Variants in DNAAF9 observed in about 807,000 individuals in gnomAD.
DNAAF9 encodes shulin.
In DNAAF9, 90 loss-of-function variants were observed where a neutral mutation model predicts 167.0. That is an observed-to-expected ratio of 0.54 (90% confidence interval 0.45 to 0.64). The LOEUF is 0.64. Ranked by LOEUF, DNAAF9 falls within the 30% of genes least tolerant of loss-of-function variation. DNAAF9 has a pLI of 0.00. For missense variants in DNAAF9, 1,315 were observed against 1,442.2 expected, an observed-to-expected ratio of 0.91 and a Z score of 1.43; for synonymous variants, 491 against 508.8, an observed-to-expected ratio of 0.96 and a Z score of 0.47.
At chr20:3,279,742 G>A (rs1012043094) in intron 28 of DNAAF9, among the ~76,000 whole-genome samples, 1 of 152,154 alleles carries the variant, frequency 6.6e-6, no homozygotes, top group Non-Finnish European at 1.5e-5. Context: ...GGTTTAGGAC[G>A]GCTAAACACA....
At chr20:3,383,512 T>C (rs6037584) in intron 1 of DNAAF9, among the ~76,000 whole-genome samples, 113,022 of 151,740 alleles carry the variant, frequency 0.74, 42,279 homozygotes, top group African/African-American at 0.82. Flanking sequence ...AGGTGATCCG[T>C]CCGCCTCATG....
At chr20:3,371,976 A>G (rs1197485507) in intron 6 of DNAAF9, among the ~76,000 whole-genome samples, 1 of 152,168 alleles carries the variant, frequency 6.6e-6, no homozygotes, top group Non-Finnish European at 1.5e-5. Flanking sequence ...AATTATCTAT[A>G]TCGATGACTC....
intron 20 of DNAAF9, among the ~76,000 whole-genome samples, chr20:3,308,497 C>T (rs1218208735): frequency 6.6e-6 from 1 of 151,482 alleles, no homozygotes; most frequent in Non-Finnish European, 1.5e-5. Flanking sequence ...CATGCGCCAC[C>T]ACGGTCCAGC....
chr20:3,365,983 A>T (rs1311541447), intron 6 of DNAAF9, among the ~76,000 whole-genome samples: 3 of 152,178 alleles, frequency 2.0e-5, no homozygotes, highest in Admixed American at 6.5e-5. Context: ...TATTTCTACC[A>T]AATCTGCAGT....
intron 7 of DNAAF9, among the ~76,000 whole-genome samples, chr20:3,349,333 G>T (rs1300294622): frequency 6.6e-6 from 1 of 152,092 alleles, no homozygotes; most frequent in African/African-American, 2.4e-5. Flanking sequence ...AGTGAACTGG[G>T]ATTGTGCTGC....
intron 25 of DNAAF9, among the ~76,000 whole-genome samples, chr20:3,293,149 C>T (rs1166879351): frequency 6.6e-5 from 10 of 150,676 alleles, no homozygotes; most frequent in Non-Finnish European, 1.5e-4. Flanking sequence ...AAAAATTAGC[C>T]GGGCGTGGGG....
At chr20:3,262,337 G>A (rs377397696) in intron 31 of DNAAF9, among the ~76,000 whole-genome samples, 2 of 148,588 alleles carry the variant, frequency 1.3e-5, no homozygotes, top group African/African-American at 5.0e-5. Flanking sequence ...TGCAAGCTTC[G>A]CCTCCCGGGT....
At chr20:3,260,208 G>A (rs1208039165) in intron 31 of DNAAF9, among the ~76,000 whole-genome samples, 180 bp from the exon 32 acceptor site, 3 of 151,654 alleles carry the variant, frequency 2.0e-5, no homozygotes, top group Non-Finnish European at 4.4e-5. Context: ...GCGCGGTGGC[G>A]GGCGCCTGTA....
At chr20:3,316,376 C>T (rs1212651196) in intron 18 of DNAAF9, among the ~76,000 whole-genome samples, 1 of 152,164 alleles carries the variant, frequency 6.6e-6, no homozygotes, top group Non-Finnish European at 1.5e-5. Context: ...AAGCAAGTCA[C>T]GGGATCCACT....
chr20:3,256,176 G>T lies in DNAAF9; in HGVS notation c.3091C>A (p.Leu1031Met). Residue 1031 changes from leucine (L) to methionine (M), a missense_variant, in exon 34 of 37, where the codon CTG becomes ATG. Physicochemically the swap from Leu to Met is conservative, Grantham distance 15. Around this residue, in one of 2 missense-constraint regions of DNAAF9, gnomAD observed 334 missense variants for 429.7 expected, o/e 0.78. Coordinates refer to ENST00000252032, the MANE Select transcript of DNAAF9 (RefSeq NM_001009984.3). ...GGCATGATGCTCAAGGAGTTGGCCA[G>T]TGTGTTGTAGCAGACCTCCATGGTC... Reference protein sequence around the residue: ...ERTMEVCYNTLANSLSIMPVL... With the variant: ...ERTMEVCYNTMANSLSIMPVL... 1 of 1,614,178 alleles carries T rather than the reference G, an allele frequency of 6.2e-7. No individual in the cohort carries two copies. Among genetic ancestry groups the T allele is most frequent in the East Asian group, 2.2e-5 (1 of 44,882 alleles).
At chr20:3,279,925 C>T (rs1029752699) in intron 28 of DNAAF9, among the ~76,000 whole-genome samples, 1 of 152,150 alleles carries the variant, frequency 6.6e-6, no homozygotes, top group African/African-American at 2.4e-5. Context: ...TAATGATGTT[C>T]GCAACACTGG....
In DNAAF9 at chr20:3,333,618, T is replaced by C. The variant is rs566755166; in HGVS notation, c.982-1257A>G. ...TGAAAACTCATGGAGGTATTTCTAATTGCTGGTTGATACATATTTCCTCAA... is the reference window on the plus strand; with the variant it reads ...TGAAAACTCATGGAGGTATTTCTAACTGCTGGTTGATACATATTTCCTCAA... On this transcript the variant is annotated intron_variant, in intron 10 of 36. Coordinates refer to ENST00000252032, the MANE Select transcript of DNAAF9 (RefSeq NM_001009984.3). Among the ~76,000 whole-genome samples, 10 of 152,346 alleles carry C rather than the reference T, an allele frequency of 6.6e-5. No individual in the cohort carries two copies. In the South Asian group the frequency reaches 2.1e-3, roughly 32 times the overall value.
intron 14 of DNAAF9, among the ~76,000 whole-genome samples, chr20:3,324,083 A>G (rs2069668123): frequency 6.6e-6 from 1 of 152,196 alleles, no homozygotes; most frequent in South Asian, 2.1e-4. Flanking sequence ...AGAAGACCTG[A>G]AGCAAGTCTA....
At chr20:3,378,710 G>GGT (rs1392664082) in intron 3 of DNAAF9, among the ~76,000 whole-genome samples, 1 of 152,166 alleles carries the variant, frequency 6.6e-6, no homozygotes, top group Non-Finnish European at 1.5e-5. Context: ...TGATGCAGCA[G>GGT]GTGTAGGACA....
chr20:3,264,593 C>A, intron 30 of DNAAF9, 69 bp from the exon 31 acceptor site: 1 of 826,522 alleles, frequency 1.2e-6, no homozygotes. Flanking sequence ...TTTCTTGAGA[C>A]GGAGTCTCGC....
At position 3,291,036 on chromosome 20, in the gene DNAAF9, G is replaced by A. The variant is rs73608138; in HGVS notation, c.2239-819C>T. On this transcript the variant is annotated intron_variant, in intron 25 of 36. Coordinates refer to ENST00000252032, the MANE Select transcript of DNAAF9 (RefSeq NM_001009984.3). ...ACTCCTGACCTTGGGTGATCCACCC[G>A]CCTTGGCCTCCCAAAGTGCTGGAAT... Among the ~76,000 whole-genome samples, 60 of 152,124 alleles carry A rather than the reference G, an allele frequency of 3.9e-4. No individual in the cohort carries two copies. In the East Asian group the frequency reaches 4.3e-3, roughly 11 times the overall value.
intron 29 of DNAAF9, among the ~76,000 whole-genome samples, chr20:3,276,411 G>A (rs1326749876): frequency 6.9e-6 from 1 of 145,370 alleles, no homozygotes; most frequent in African/African-American, 2.6e-5. Context: ...GCCCACATCT[G>A]ATCACACCCC....
At chr20:3,280,161 A>C (rs1600697587) in intron 28 of DNAAF9, among the ~76,000 whole-genome samples, 1 of 152,334 alleles carries the variant, frequency 6.6e-6, no homozygotes, top group Non-Finnish European at 1.5e-5. Context: ...AAGGGGCTGG[A>C]ACAAGGGAAG....
chr20:3,260,256 G>A (rs113661467), intron 31 of DNAAF9, among the ~76,000 whole-genome samples: 7 of 152,108 alleles, frequency 4.6e-5, no homozygotes, highest in South Asian at 4.2e-4. Context: ...GGAGAATGGC[G>A]TGAACCCGGG....
Sources: allele counts gnomAD v4.1 joint callset (sites outside exome capture counted in the v4.1 genomes callset), GRCh38; gene constraint gnomAD v4.1.1; regional missense constraint gnomAD v4.1.1; transcripts MANE v1.5; gene names NCBI Gene and HGNC (gene_info 2026-07-23, HGNC 2026-07-21).